Variants in ZBTB12 observed in about 807,000 individuals in gnomAD.
ZBTB12 encodes the protein zinc finger and BTB domain-containing protein 12.
In ZBTB12, 1 loss-of-function variant was observed where a neutral mutation model predicts 6.4. The observed-to-expected ratio is 0.16, with a 90% CI of 0.06 to 0.74. The LOEUF (loss-of-function observed/expected upper bound fraction) is 0.74, where lower values mean the gene tolerates loss of function less well. Ranked by LOEUF, ZBTB12 falls within the 30% of genes least tolerant of loss-of-function variation. The pLI, the probability that ZBTB12 is intolerant of heterozygous loss-of-function variation, is 0.78. For synonymous variants in ZBTB12, 273 were observed against 262.5 expected (o/e 1.04, Z -0.39); for missense variants, 344 against 613.9 (o/e 0.56, Z 4.65).
rs768825206 is a variant in ZBTB12, at chr6:31,900,862, G to A, written c.444C>T (p.Ser148=). Residue 148 remains serine (S), a synonymous_variant, in exon 2 of 2, where the codon AGC becomes AGT. Coordinates refer to ENST00000375527, the MANE Select transcript of ZBTB12 (RefSeq NM_181842.3). The surrounding 1 kb of genome is among the most constrained non-coding windows in gnomAD (Gnocchi z 9.7). Reference sequence around the variant, plus strand: ...CTGGAGGGAGGAGGGACTTGGTGGCGCTGATGCTGCTCACAAGGCTAGCCT... The same window carrying A: ...CTGGAGGGAGGAGGGACTTGGTGGCACTGATGCTGCTCACAAGGCTAGCCT... ...VSEASLVSSI[S]ATKSLLPPAR... is the part of the protein sequence containing the mutation. 1.8e-5 allele frequency: 29 copies of A among 1,613,320 alleles called. No homozygotes were observed. Among genetic ancestry groups the A allele is most frequent in the South Asian group, 1.5e-4 (14 of 91,034 alleles).
chr6:31,901,390 C>T lies in ZBTB12; in HGVS notation c.-20-65G>A, dbSNP rs1767253492. The T allele has an allele frequency of 3.5e-6, 5 of 1,409,584 alleles. No individual in the cohort carries two copies. The South Asian group carries it at 4.2e-5, about 12-fold the overall frequency. 87.3% of individuals were successfully genotyped at this position (1,409,584 alleles called of 1,614,324 possible). On this transcript the variant is annotated intron_variant, in intron 1 of 1. Coordinates refer to ENST00000375527, the MANE Select transcript of ZBTB12 (RefSeq NM_181842.3). ...GCTCTCCGAAGCCAAGGCTCCAGGA[C>T]CCTCGCCCCCATTCTTGCCCAGCCC...
At position 31,899,655 on chromosome 6, in the gene ZBTB12, T is replaced by C. The variant is rs2072680; in HGVS notation, c.*271A>G. ...GGACCCTTTTCCCTCCCTCCACATA[T>C]ACATGCACTTCTAAGAGAAGGAAAT... On this transcript the variant is annotated 3_prime_UTR_variant, in exon 2 of 2. Coordinates refer to ENST00000375527, the MANE Select transcript of ZBTB12 (RefSeq NM_181842.3). 3 of 466,054 alleles carry C rather than the reference T, an allele frequency of 6.4e-6. No homozygotes were observed. The highest frequency in any genetic ancestry group is 3.2e-5 in the East Asian group (1 of 30,948). The allele number at this position is 466,054 out of a possible 1,614,324, so 28.9% of individuals were successfully genotyped here.
In ZBTB12 at chr6:31,900,313, C is replaced by T. The variant is rs1402708910; in HGVS notation, c.993G>A (p.Lys331=). Residue 331 remains lysine, a synonymous_variant, in exon 2 of 2, where the codon AAG becomes AAA. Coordinates refer to ENST00000375527, the MANE Select transcript of ZBTB12 (RefSeq NM_181842.3). The surrounding 1 kb of genome is among the most constrained non-coding windows in gnomAD (Gnocchi z 9.7). The part of the protein sequence containing the change: ...PGGFSGGNPL[K]NIKCTKCPEV... ...CCGGGCACTTGGTGCACTTGATGTTCTTTAAGGGGTTTCCACCTGAGAAGC... is the reference window on the plus strand; with the variant it reads ...CCGGGCACTTGGTGCACTTGATGTTTTTTAAGGGGTTTCCACCTGAGAAGC... 5 of 1,612,008 alleles carry T rather than the reference C, an allele frequency of 3.1e-6. No homozygotes were observed. The highest frequency in any genetic ancestry group is 4.2e-6 in the Non-Finnish European group (5 of 1,179,860).
Position 31,902,076 on chromosome 6 carries a change from G to T in ZBTB12, c.-260C>A. On this transcript the variant is annotated 5_prime_UTR_variant, in exon 1 of 2. Transcript: ENST00000375527. ...GGCGGCGGCGTCGGCTAGGACTCGG[G>T]GAGGAGGAAGAGGGGAGGGAATTAA... 6.6e-6 allele frequency: 1 copy of T among 152,394 alleles called. No individual in the cohort carries two copies. Among genetic ancestry groups the T allele is most frequent in the Non-Finnish European group, 1.5e-5 (1 of 68,798 alleles). The allele number at this position is 152,394 out of a possible 1,614,324, so 9.4% of individuals were successfully genotyped here.
Position 31,900,618 on chromosome 6 carries a change from C to T in ZBTB12, c.688G>A (p.Gly230Arg). The part of the protein sequence containing the change: ...AHRLKPPGGL[G>R]GGLGIGGSVG... ...GAGCCTCCAATGCCCAGACCCCCTC[C>T]CAGGCCTCCAGGGGGTTTGAGCCGG... is the stretch of plus-strand genomic sequence containing the variant. Residue 230 changes from glycine (G) to arginine (R), a missense_variant, in exon 2 of 2, where the codon GGA (glycine) becomes AGA (arginine). This residue lies in a region of ZBTB12 where 241 missense variants were observed against 315.4 expected (regional missense o/e 0.76). Coordinates refer to ENST00000375527, the MANE Select transcript of ZBTB12 (RefSeq NM_181842.3). This position sits in a 1 kb window ranked among gnomAD's most constrained non-coding sequence, Gnocchi z 9.7. 2 of 1,612,692 alleles carry T rather than the reference C, an allele frequency of 1.2e-6. No homozygotes were observed. Among genetic ancestry groups the T allele is most frequent in the Non-Finnish European group, 8.5e-7 (1 of 1,180,018 alleles).
Position 31,900,907 on chromosome 6 carries a change from G to A in ZBTB12, c.399C>T (p.Leu133=). The change falls in exon 2 of 2, where the codon CTC becomes CTT. Residue 133 remains leucine, a synonymous_variant. Transcript: ENST00000375527. The surrounding 1 kb of genome is among the most constrained non-coding windows in gnomAD (Gnocchi z 9.7). ...LSQFIEPKIG[L]KEDGVSEASL... is the part of the protein sequence containing the mutation. ...TAGCCTCACTGACCCCATCCTCTTT[G>A]AGGCCTATTTTGGGCTCAATGAACT... 5 of 1,614,182 alleles carry A rather than the reference G, an allele frequency of 3.1e-6. No homozygotes were observed. The highest frequency in any genetic ancestry group is 4.2e-6 in the Non-Finnish European group (5 of 1,180,044).
At position 31,900,805 on chromosome 6, in the gene ZBTB12, TGG is replaced by T; in HGVS notation, c.499_500del (p.Pro167ThrfsTer21). 1.3e-6 allele frequency: 1 copy of T among 777,256 alleles called. No homozygotes were observed. The highest frequency in any genetic ancestry group is 1.9e-6 in the Non-Finnish European group (1 of 515,250). The allele number at this position is 777,256 out of a possible 1,614,324, so 48.1% of individuals were successfully genotyped here. ...GTGGAGGGGGTAGAGGAGGTGGGGGTGGGGGCTTCGGGGCTGGCTTTGGGGTC... is the reference window on the plus strand; with the variant it reads ...GTGGAGGGGGTAGAGGAGGTGGGGGTGGGCTTCGGGGCTGGCTTTGGGGTC... ...ARTPKPAPKP[P>X]PPPPLPPPLL... On this transcript the variant is annotated frameshift_variant, in exon 2 of 2. Coordinates refer to ENST00000375527, the MANE Select transcript of ZBTB12 (RefSeq NM_181842.3). LOFTEE classifies it high-confidence loss of function. The surrounding 1 kb of genome is among the most constrained non-coding windows in gnomAD (Gnocchi z 9.7).
Position 31,899,619 on chromosome 6 carries a change from C to G in ZBTB12, c.*307G>C, listed in dbSNP as rs1767036189. 3.3e-6 allele frequency: 1 copy of G among 303,882 alleles called. No homozygotes were observed. Among genetic ancestry groups the G allele is most frequent in the African/African-American group, 2.2e-5 (1 of 45,624 alleles). 18.8% of individuals were successfully genotyped at this position (303,882 alleles called of 1,614,324 possible). The stretch of plus-strand genomic sequence containing the variant: ...CAGGAATAAAACATTTTTGTCTTCC[C>G]TCATTCTATAGGACCCTTTTCCCTC... On this transcript the variant is annotated 3_prime_UTR_variant, in exon 2 of 2. Transcript: ENST00000375527.
Position 31,900,431 on chromosome 6 carries a change from G to A in ZBTB12, c.875C>T (p.Ser292Leu). 2.6e-6 allele frequency: 4 copies of A among 1,549,620 alleles called. No individual in the cohort carries two copies. Among genetic ancestry groups the A allele is most frequent in the South Asian group, 1.2e-5 (1 of 84,976 alleles). Residue 292 changes from serine to leucine, a missense_variant, in exon 2 of 2, where the codon TCG (serine) becomes TTG (leucine). Transcript: ENST00000375527. The surrounding 1 kb of genome is among the most constrained non-coding windows in gnomAD (Gnocchi z 9.7). ...CACCGCTGCTGCTTCCACCAGGCCC[G>A]AGGTGGCCCCCACGCTGGCCCGGCC... Reference protein sequence around the residue: ...PGGRASVGATSGLVEAAAVAM... With the variant: ...PGGRASVGATLGLVEAAAVAM...
In ZBTB12 at chr6:31,899,921, C is replaced by T. The variant is rs540651243; in HGVS notation, c.*5G>A. On this transcript the variant is annotated 3_prime_UTR_variant, in exon 2 of 2. Coordinates refer to ENST00000375527, the MANE Select transcript of ZBTB12 (RefSeq NM_181842.3). ...CCCAGCCTCCTGGCCTCCACGCCTG[C>T]GCGGCTAGCGGATGAGGACGTTAAT... The T allele has an allele frequency of 2.5e-6, 4 of 1,569,380 alleles. No homozygotes were observed. The highest frequency in any genetic ancestry group is 3.5e-6 in the Non-Finnish European group (4 of 1,156,482).
chr6:31,901,564 G>A (rs753923524), intron 1 of ZBTB12, among the ~76,000 whole-genome samples: 1 of 151,608 alleles, frequency 6.6e-6, no homozygotes, highest in Non-Finnish European at 1.5e-5. Flanking sequence ...GCTAGGATGG[G>A]GCGAGCCCGC....
In ZBTB12 at chr6:31,900,631, G is replaced by A. The variant is rs763038982; in HGVS notation, c.675C>T (p.Pro225=). The change falls in exon 2 of 2, where the codon CCC becomes CCT. Residue 225 remains proline (P), a synonymous_variant. Transcript: ENST00000375527. This position sits in a 1 kb window ranked among gnomAD's most constrained non-coding sequence, Gnocchi z 9.7. ...CCAGACCCCCTCCCAGGCCTCCAGG[G>A]GGTTTGAGCCGGTGTGCCACCTCCA... ...SALEVAHRLK[P]PGGLGGGLGI... 3.7e-6 allele frequency: 6 copies of A among 1,612,670 alleles called. No homozygotes were observed. In the East Asian group the frequency reaches 1.3e-4, roughly 36 times the overall value.
chr6:31,899,768 A>G lies in ZBTB12; in HGVS notation c.*158T>C. The stretch of plus-strand genomic sequence containing the variant: ...GCACTCTCAAGAGCAAGTCTCTCCA[A>G]GGAATCATCTTCCCTCTCTCAGGAT... On this transcript the variant is annotated 3_prime_UTR_variant, in exon 2 of 2. Transcript: ENST00000375527. 2.6e-6 allele frequency: 2 copies of G among 778,828 alleles called. No homozygotes were observed. Among genetic ancestry groups the G allele is most frequent in the Admixed American group, 2.9e-5 (1 of 34,182 alleles). The allele number at this position is 778,828 out of a possible 1,614,324, so 48.2% of individuals were successfully genotyped here. A position where few individuals can be genotyped will look rare whatever the true frequency, so the allele number is the denominator to read the frequency against.
rs1175923440 is a variant in ZBTB12, at chr6:31,899,970, C to T, written c.1336G>A (p.Val446Met). The change falls in exon 2 of 2, where the codon GTG becomes ATG. Residue 446 changes from valine (V) to methionine (M), a missense_variant. Physicochemically the swap from Val to Met is conservative, Grantham distance 21. This residue lies in a region of ZBTB12 where 15 missense variants were observed against 20.2 expected (regional missense o/e 0.74). Coordinates refer to ENST00000375527, the MANE Select transcript of ZBTB12 (RefSeq NM_181842.3). ...EQHGKTTAEN[V>M]LEASVAEINV... ...ATCTCGGCCACACTGGCCTCCAGCA[C>T]GTTCTCGGCCGTGGTCTTGCCGTGT... The T allele has an allele frequency of 6.2e-7, 1 of 1,600,560 alleles. No individual in the cohort carries two copies. Among genetic ancestry groups the T allele is most frequent in the East Asian group, 2.2e-5 (1 of 44,552 alleles).
chr6:31,900,326 C>G lies in ZBTB12; in HGVS notation c.980G>C (p.Gly327Ala), dbSNP rs775029005. 6.2e-7 allele frequency: 1 copy of G among 1,610,998 alleles called. No individual in the cohort carries two copies. Among genetic ancestry groups the G allele is most frequent in the African/African-American group, 1.3e-5 (1 of 74,854 alleles). Residue 327 changes from glycine (G) to alanine (A), a missense_variant, in exon 2 of 2, where the codon GGA becomes GCA. Physicochemically the swap from Gly to Ala is moderately conservative, Grantham distance 60. Coordinates refer to ENST00000375527, the MANE Select transcript of ZBTB12 (RefSeq NM_181842.3). This position sits in a 1 kb window ranked among gnomAD's most constrained non-coding sequence, Gnocchi z 9.7. ...RGPLPGGFSGGNPLKNIKCTK... is the reference protein window; with the variant it reads ...RGPLPGGFSGANPLKNIKCTK... The stretch of plus-strand genomic sequence containing the variant: ...GCACTTGATGTTCTTTAAGGGGTTT[C>G]CACCTGAGAAGCCCCCAGGCAGGGG...
In ZBTB12 at chr6:31,900,631, G is replaced by T; in HGVS notation, c.675C>A (p.Pro225=). 1 of 1,612,788 alleles carries T rather than the reference G, an allele frequency of 6.2e-7. No individual in the cohort carries two copies. The highest frequency in any genetic ancestry group is 8.5e-7 in the Non-Finnish European group (1 of 1,180,022). Residue 225 remains proline, a synonymous_variant, in exon 2 of 2, where the codon CCC becomes CCA. Coordinates refer to ENST00000375527, the MANE Select transcript of ZBTB12 (RefSeq NM_181842.3). This position sits in a 1 kb window ranked among gnomAD's most constrained non-coding sequence, Gnocchi z 9.7. ...SALEVAHRLK[P]PGGLGGGLGI... The stretch of plus-strand genomic sequence containing the variant: ...CCAGACCCCCTCCCAGGCCTCCAGG[G>T]GGTTTGAGCCGGTGTGCCACCTCCA...
Position 31,900,181 on chromosome 6 carries a change from G to A in ZBTB12, c.1125C>T (p.Asn375=). 6.2e-7 allele frequency: 1 copy of A among 1,614,230 alleles called. No individual in the cohort carries two copies. Among genetic ancestry groups the A allele is most frequent in the Non-Finnish European group, 8.5e-7 (1 of 1,180,046 alleles). Residue 375 remains asparagine, a synonymous_variant, in exon 2 of 2, where the codon AAC becomes AAT. Transcript: ENST00000375527. The surrounding 1 kb of genome is among the most constrained non-coding windows in gnomAD (Gnocchi z 9.7). ...GKQFNHSSNL[N]RHMNVHRGVK... ...CACCACGATGCACGTTCATGTGGCG[G>A]TTGAGGTTGCTGCTGTGGTTGAACT...
chr6:31,900,319 G>A lies in ZBTB12; in HGVS notation c.987C>T (p.Pro329=), dbSNP rs1330532436. ...ACTTGGTGCACTTGATGTTCTTTAAGGGGTTTCCACCTGAGAAGCCCCCAG... is the reference window on the plus strand; with the variant it reads ...ACTTGGTGCACTTGATGTTCTTTAAAGGGTTTCCACCTGAGAAGCCCCCAG... The part of the protein sequence containing the change: ...PLPGGFSGGN[P]LKNIKCTKCP... Residue 329 remains proline (P), a synonymous_variant, in exon 2 of 2, where the codon CCC becomes CCT. Transcript: ENST00000375527. This position sits in a 1 kb window ranked among gnomAD's most constrained non-coding sequence, Gnocchi z 9.7. 11 of 1,611,604 alleles carry A rather than the reference G, an allele frequency of 6.8e-6. No homozygotes were observed. Among genetic ancestry groups the A allele is most frequent in the African/African-American group, 2.7e-5 (2 of 74,982 alleles).
intron 1 of ZBTB12, among the ~76,000 whole-genome samples, 166 bp downstream of exon 1, chr6:31,901,671 C>G (rs1477764512): frequency 1.3e-5 from 2 of 151,478 alleles, no homozygotes; most frequent in Non-Finnish European, 3.0e-5. Flanking sequence ...CACCCCGCCC[C>G]CTTTACCGGC....
Sources: allele counts gnomAD v4.1 joint callset (sites outside exome capture counted in the v4.1 genomes callset), GRCh38; gene constraint gnomAD v4.1.1; regional missense constraint gnomAD v4.1.1; non-coding constraint Gnocchi (gnomAD v3.1); transcripts MANE v1.5; gene names NCBI Gene and HGNC (gene_info 2026-07-23, HGNC 2026-07-21).